The following INSL6 variants were observed in gnomAD, a reference collection of about 807,000 sequenced individuals.
The protein encoded by INSL6 is insulin like 6.
Under a neutral mutation model 9.4 loss-of-function variants are expected in INSL6, and 16 were observed. That is an observed-to-expected ratio of 1.70 (90% CI 1.15 to 2.59). INSL6 has a LOEUF of 2.59. INSL6 is among the 30% of genes most tolerant of loss of function. The pLI is 0.00. For synonymous variants in INSL6, 154 were observed against 96.9 expected (o/e 1.59, Z -3.46); for missense variants, 391 against 257.3 (o/e 1.52, Z -3.56).
intron 3 of INSL6, among the ~76,000 whole-genome samples, chr9:5,129,039 C>T (rs943077770): frequency 3.3e-5 from 5 of 151,888 alleles, no homozygotes; most frequent in Non-Finnish European, 4.4e-5. Context: ...CTATAATTTG[C>T]TATGGAAGAG....
the INSL6 span, chr9:5,069,966 G>C: frequency 6.2e-7 from 1 of 1,606,782 alleles, no homozygotes; most frequent in East Asian, 2.2e-5. Context: ...TGGTGTTTCT[G>C]ATGTACCAAC....
At chr9:5,021,832 C>T in the INSL6 span, 1 of 596,154 alleles carries the variant, frequency 1.7e-6, no homozygotes, top group South Asian at 2.1e-5. Flanking sequence ...GAGGTTTCAC[C>T]ATGTTGCTGA....
At chr9:5,016,571 G>C in the INSL6 span, among the ~76,000 whole-genome samples, 1 of 152,190 alleles carries the variant, frequency 6.6e-6, no homozygotes, top group Non-Finnish European at 1.5e-5. Context: ...TCTAATTGAA[G>C]TGTAACACAC....
chr9:5,077,588 G>C, the INSL6 span: 2 of 1,459,870 alleles, frequency 1.4e-6, no homozygotes, highest in Non-Finnish European at 1.8e-6. Flanking sequence ...CTAGTAAGTA[G>C]TACAACCTTT....
At chr9:5,047,061 C>G in the INSL6 span, among the ~76,000 whole-genome samples, 1 of 152,044 alleles carries the variant, frequency 6.6e-6, no homozygotes, top group East Asian at 1.9e-4. Flanking sequence ...CAAGGTAATT[C>G]CACCATATAA....
the INSL6 span, among the ~76,000 whole-genome samples, chr9:4,996,240 G>C: frequency 6.6e-6 from 1 of 152,124 alleles, no homozygotes; most frequent in African/African-American, 2.4e-5. Flanking sequence ...CCTGAGGTCA[G>C]GAGTTCACCA....
At chr9:5,151,972 T>C (rs1824722157) in intron 2 of INSL6, among the ~76,000 whole-genome samples, 1 of 152,050 alleles carries the variant, frequency 6.6e-6, no homozygotes. Flanking sequence ...ACACTAATTA[T>C]AAGAAAGCTG....
chr9:5,068,225 G>C, the INSL6 span, among the ~76,000 whole-genome samples: 1 of 151,084 alleles, frequency 6.6e-6, no homozygotes, highest in Non-Finnish European at 1.5e-5. Flanking sequence ...GAACCTGATT[G>C]ACCTTGAGGT....
the INSL6 span, among the ~76,000 whole-genome samples, chr9:5,035,666 G>A: frequency 6.6e-6 from 1 of 152,160 alleles, no homozygotes; most frequent in African/African-American, 2.4e-5. Flanking sequence ...AAAGGTCTTT[G>A]GCAAAATTCA....
Position 5,169,433 on chromosome 9 carries a change from C to T in INSL6, c.290-5168G>A, listed in dbSNP as rs540575947. Among the ~76,000 whole-genome samples the T allele has an allele frequency of 1.9e-3, 296 of 152,284 alleles. 1 individual carries two copies. Among genetic ancestry groups the T allele is most frequent in the African/African-American group, 6.8e-3 (282 of 41,580 alleles). Reference sequence around the variant, plus strand: ...CACTACAAAAACACACCAAAGTACACAGACCAGTGACACTATGAAGCAACT... The same window carrying T: ...CACTACAAAAACACACCAAAGTACATAGACCAGTGACACTATGAAGCAACT... On this transcript the variant is annotated intron_variant, in intron 1 of 1. Coordinates refer to ENST00000381641, the MANE Select transcript of INSL6 (RefSeq NM_007179.3).
intron 3 of INSL6, chr9:5,127,745 A>ATTGT: frequency 4.3e-6 from 1 of 232,640 alleles, no homozygotes; most frequent in Non-Finnish European, 8.5e-6. Context: ...AATAGATTAG[A>ATTGT]TTGTTTTTTA....
At chr9:5,037,098 A>G in the INSL6 span, among the ~76,000 whole-genome samples, 3 of 152,364 alleles carry the variant, frequency 2.0e-5, no homozygotes, top group East Asian at 5.8e-4. Context: ...GCCAAAAGAC[A>G]TGAAAAAATG....
At chr9:5,080,078 T>C in the INSL6 span, 2 of 544,528 alleles carry the variant, frequency 3.7e-6, no homozygotes, top group Non-Finnish European at 6.4e-6. Flanking sequence ...CTTAAGCTTA[T>C]GCAGTCATGT....
the INSL6 span, among the ~76,000 whole-genome samples, chr9:5,033,647 A>G: frequency 6.6e-6 from 1 of 152,232 alleles, no homozygotes; most frequent in Non-Finnish European, 1.5e-5. Flanking sequence ...ACTAAGCTTC[A>G]TATGTGAAGG....
At chr9:5,171,825 A>G (rs535344551) in intron 1 of INSL6, among the ~76,000 whole-genome samples, 1 of 152,332 alleles carries the variant, frequency 6.6e-6, no homozygotes, top group African/African-American at 2.4e-5. Flanking sequence ...ACCACTGCTC[A>G]AGGAAATAAG....
chr9:5,101,806 G>T, the INSL6 span, among the ~76,000 whole-genome samples: 1 of 152,172 alleles, frequency 6.6e-6, no homozygotes, highest in African/African-American at 2.4e-5. Flanking sequence ...TGCAGCTGAG[G>T]GACCTGACTG....
At chr9:5,063,970 A>G in the INSL6 span, among the ~76,000 whole-genome samples, 8 of 152,336 alleles carry the variant, frequency 5.3e-5, no homozygotes, top group East Asian at 7.7e-4. Flanking sequence ...AGCCTGGCCA[A>G]CATGTTGAAA....
the INSL6 span, chr9:5,070,085 T>TAAAA: frequency 1.3e-6 from 2 of 1,512,944 alleles, no homozygotes; most frequent in Non-Finnish European, 1.8e-6. Flanking sequence ...CTGTCTTTTT[T>TAAAA]GTCCTTTTAA....
the INSL6 span, among the ~76,000 whole-genome samples, chr9:5,059,303 A>G: frequency 6.6e-6 from 1 of 152,178 alleles, no homozygotes; most frequent in African/African-American, 2.4e-5. Context: ...AGGTTGTATA[A>G]ATGGAATGAT....
Sources: gnomAD v4.1 joint callset for allele counts (sites outside exome capture counted in the v4.1 genomes callset) on GRCh38, gnomAD v4.1.1 for gene constraint, MANE v1.5 for transcripts, NCBI Gene and HGNC (gene_info 2026-07-23, HGNC 2026-07-21) for gene names.